Variants in CNTFR observed in about 807,000 individuals in gnomAD.
CNTFR encodes the protein ciliary neurotrophic factor receptor subunit alpha.
Under a neutral mutation model 40.4 loss-of-function variants are expected in CNTFR, and 12 were observed. That is an observed-to-expected ratio of 0.30 (90% CI 0.19 to 0.48). The LOEUF (loss-of-function observed/expected upper bound fraction) is 0.48, where lower values mean the gene tolerates loss of function less well. Among genes scored for constraint, CNTFR ranks in the 20% least tolerant of loss-of-function variants. The pLI, the probability that CNTFR is intolerant of heterozygous loss-of-function variation, is 0.99. For missense variants in CNTFR, 414 were observed against 506.8 expected (o/e 0.82, Z 1.76); for synonymous variants, 202 against 209.6 (o/e 0.96, Z 0.31).
intron 1 of CNTFR, among the ~76,000 whole-genome samples, chr9:34,588,414 C>A (rs114913578): frequency 1.6e-3 from 238 of 152,298 alleles, no homozygotes; most frequent in African/African-American, 5.5e-3. Flanking sequence ...GATGCACAGA[C>A]ACACCCAGCA....
At chr9:34,587,612 GA>G (rs766728106) in intron 1 of CNTFR, among the ~76,000 whole-genome samples, 5 of 152,120 alleles carry the variant, frequency 3.3e-5, no homozygotes, top group Non-Finnish European at 7.4e-5. Context: ...CCCCAGCTTG[GA>G]AATGTGAATC....
At chr9:34,578,377 A>C (rs947207470) in intron 2 of CNTFR, among the ~76,000 whole-genome samples, 8 of 152,056 alleles carry the variant, frequency 5.3e-5, no homozygotes, top group Non-Finnish European at 1.0e-4. Flanking sequence ...GTGGCACTTG[A>C]TGCTGGGGGA....
chr9:34,556,162 C>T (rs1457264224), intron 7 of CNTFR, 93 bp downstream of exon 7: 2 of 1,386,774 alleles, frequency 1.4e-6, no homozygotes, highest in Non-Finnish European at 2.0e-6. Context: ...TCAGGTCTCA[C>T]ACTGGAGCTG....
At position 34,564,836 on chromosome 9, in the gene CNTFR, T is replaced by G. The variant is rs776038361; in HGVS notation, c.86-4A>C. The stretch of plus-strand genomic sequence containing the variant: ...TCGTACTGCACATGGGGTGCCTCTG[T>G]GGGGGGTGGGGGCACAGGGCAAAAG... On this transcript the variant is annotated splice_polypyrimidine_tract_variant and splice_region_variant and intron_variant, in intron 3 of 9. Transcript: ENST00000378980. 123 of 1,611,728 alleles carry G rather than the reference T, an allele frequency of 7.6e-5. No individual in the cohort carries two copies. Among genetic ancestry groups the G allele is most frequent in the Non-Finnish European group, 1.0e-4 (119 of 1,179,460 alleles).
At chr9:34,585,451 T>C (rs1226584118) in intron 1 of CNTFR, among the ~76,000 whole-genome samples, 1 of 152,186 alleles carries the variant, frequency 6.6e-6, no homozygotes, top group Non-Finnish European at 1.5e-5. Context: ...TTCCTGCTAC[T>C]GTAGCTCTAG....
At chr9:34,570,100 A>T (rs1826519349) in intron 2 of CNTFR, 1 of 152,246 alleles carries the variant, frequency 6.6e-6, no homozygotes, top group African/African-American at 2.4e-5. Context: ...GATCCAGAGA[A>T]ATACTGAGGG....
rs146101081 is a variant in CNTFR, at chr9:34,568,937, G to A, written c.45C>T (p.Ala15=). ...VPWACCAVLA[A]AAAVVYAQRH... is the part of the protein sequence containing the mutation. Reference sequence around the variant, plus strand: ...TCTGGGCGTAGACAACTGCGGCGGCGGCGGCAAGCACAGCACAGCAGGCCC... The same window carrying A: ...TCTGGGCGTAGACAACTGCGGCGGCAGCGGCAAGCACAGCACAGCAGGCCC... The change falls in exon 3 of 10, where the codon GCC becomes GCT. Residue 15 remains alanine, a synonymous_variant. Transcript: ENST00000378980. The A allele has an allele frequency of 3.6e-4, 582 of 1,601,826 alleles. 5 individuals are homozygous for A. In the Middle Eastern group the frequency reaches 3.8e-3, roughly 10 times the overall value.
chr9:34,566,097 C>A (rs1330000923), intron 3 of CNTFR, among the ~76,000 whole-genome samples: 1 of 152,104 alleles, frequency 6.6e-6, no homozygotes, highest in Non-Finnish European at 1.5e-5. Flanking sequence ...CTTGTTAACA[C>A]CACCAAGACT....
chr9:34,585,848 A>G (rs1374995823), intron 1 of CNTFR, among the ~76,000 whole-genome samples: 1 of 151,540 alleles, frequency 6.6e-6, no homozygotes. Context: ...CCCCAAACCA[A>G]GCACACATGG....
rs1294235882 is a variant in CNTFR, at chr9:34,557,066, T to C, written c.604+460A>G. 1.7e-5 allele frequency among the ~76,000 whole-genome samples: 2 copies of C among 116,170 alleles called. No homozygotes were observed. Among genetic ancestry groups the C allele is most frequent in the African/African-American group, 6.9e-5 (2 of 29,000 alleles). The allele number at this position is 116,170 out of a possible 152,430, so 76.2% of individuals were successfully genotyped here. ...TAGCAGGCAGAGAGCCTGCCTGGAA[T>C]AGGGCAGGGGCAGGTAGAGGGTCTG... On this transcript the variant is annotated intron_variant, in intron 6 of 9. Transcript: ENST00000378980. This position sits in a 1 kb window ranked among gnomAD's most constrained non-coding sequence, Gnocchi z 4.2.
chr9:34,556,148 T>G, intron 7 of CNTFR, 107 bp downstream of exon 7: 1 of 1,241,158 alleles, frequency 8.1e-7, no homozygotes. Context: ...GAGAGCCTGA[T>G]GCATCAGGTC....
At chr9:34,587,443 A>G (rs781206751) in intron 1 of CNTFR, among the ~76,000 whole-genome samples, 1 of 152,132 alleles carries the variant, frequency 6.6e-6, no homozygotes, top group Non-Finnish European at 1.5e-5. Context: ...CAGGACTTCA[A>G]GTGAGTCCTA....
chr9:34,564,620 G>C lies in CNTFR; in HGVS notation c.298C>G (p.Gln100Glu). 6.2e-7 allele frequency: 1 copy of C among 1,611,560 alleles called. No homozygotes were observed. Among genetic ancestry groups the C allele is most frequent in the Non-Finnish European group, 8.5e-7 (1 of 1,178,910 alleles). ...FHRDSWHLRH[Q>E]VLLHVGLPPR... is the part of the protein sequence containing the mutation. Reference sequence around the variant, plus strand: ...TTACAGCCCACATGCAGCAGGACTTGGTGGCGCAGGTGCCAGGAGTCACGG... The same window carrying C: ...TTACAGCCCACATGCAGCAGGACTTCGTGGCGCAGGTGCCAGGAGTCACGG... Residue 100 changes from glutamine (Q) to glutamate (E), a missense_variant, in exon 4 of 10, where the codon CAA becomes GAA. Coordinates refer to ENST00000378980, the MANE Select transcript of CNTFR (RefSeq NM_147164.3).
chr9:34,576,171 TCGCAGACA>T (rs1305952274), intron 2 of CNTFR, among the ~76,000 whole-genome samples: 3 of 152,134 alleles, frequency 2.0e-5, no homozygotes, highest in Non-Finnish European at 4.4e-5. Context: ...AGGCAGCCTC[TCGCAGACA>T]CTGGCATTCA....
intron 4 of CNTFR, among the ~76,000 whole-genome samples, chr9:34,560,810 C>T (rs1194051496): frequency 2.0e-5 from 3 of 152,230 alleles, no homozygotes; most frequent in Admixed American, 6.5e-5. Context: ...GGGCTGTGTG[C>T]GCGTGTGTAT....
intron 4 of CNTFR, among the ~76,000 whole-genome samples, chr9:34,560,636 G>A (rs780855577): frequency 1.3e-5 from 2 of 152,256 alleles, no homozygotes; most frequent in East Asian, 1.9e-4. Flanking sequence ...ACTGAACACC[G>A]TGTGAGTGCA....
intron 2 of CNTFR, among the ~76,000 whole-genome samples, chr9:34,577,995 C>T (rs550594123): frequency 8.6e-5 from 13 of 151,630 alleles, no homozygotes; most frequent in Non-Finnish European, 1.6e-4. Flanking sequence ...ACAAGTCCTC[C>T]GGCCCTGTGG....
At position 34,589,585 on chromosome 9, in the gene CNTFR, G is replaced by C. The variant is rs1220160163; in HGVS notation, c.-142C>G. ...CCTCGGGCCACCCGGGCTTCGCGCC[G>C]CGCCTTCCGACCGCCCCCGGCAGCG... On this transcript the variant is annotated 5_prime_UTR_variant, in exon 1 of 10. Transcript: ENST00000378980. The surrounding 1 kb of genome is among the most constrained non-coding windows in gnomAD (Gnocchi z 4.4). 6.6e-6 allele frequency: 1 copy of C among 151,466 alleles called. No individual in the cohort carries two copies. Among genetic ancestry groups the C allele is most frequent in the Non-Finnish European group, 1.5e-5 (1 of 67,768 alleles). The allele number at this position is 151,466 out of a possible 1,614,324, so 9.4% of individuals were successfully genotyped here.
At chr9:34,565,821 G>C (rs1256541748) in intron 3 of CNTFR, among the ~76,000 whole-genome samples, 3 of 152,046 alleles carry the variant, frequency 2.0e-5, no homozygotes, top group Non-Finnish European at 4.4e-5. Flanking sequence ...TAGGGAGATG[G>C]GAATCTCAGG....
Sources: gnomAD v4.1 joint callset for allele counts (sites outside exome capture counted in the v4.1 genomes callset) on GRCh38, gnomAD v4.1.1 for gene constraint, Gnocchi (gnomAD v3.1) non-coding constraint, MANE v1.5 for transcripts, NCBI Gene and HGNC (gene_info 2026-07-23, HGNC 2026-07-21) for gene names.